AK5: variants seen among roughly 807,000 people sequenced by gnomAD.
The protein encoded by AK5 is adenylate kinase 5, also known as adenylate kinase isoenzyme 5.
In AK5, 27 loss-of-function variants were observed where a neutral mutation model predicts 69.5. The observed-to-expected ratio is 0.39, with a 90% confidence interval of 0.29 to 0.54. The LOEUF is 0.54. Among genes scored for constraint, AK5 ranks in the 20% least tolerant of loss-of-function variants. The probability of loss-of-function intolerance (pLI) is 0.71; values close to 1 mark genes in which losing one functional copy is unlikely to be tolerated. For missense variants in AK5, 531 were observed against 700.4 expected (o/e 0.76, Z 2.73); for synonymous variants, 260 against 244.4 (o/e 1.06, Z -0.60).
chr1:77,388,272 G>A (rs1283013407), intron 6 of AK5, among the ~76,000 whole-genome samples: 2 of 152,174 alleles, frequency 1.3e-5, no homozygotes, highest in African/African-American at 4.8e-5. Flanking sequence ...GGTCTCCGTA[G>A]TGACATGCAT....
intron 6 of AK5, among the ~76,000 whole-genome samples, chr1:77,356,574 A>G (rs1287591063): frequency 6.6e-6 from 1 of 152,156 alleles, no homozygotes; most frequent in Non-Finnish European, 1.5e-5. Flanking sequence ...CCATCTGAAA[A>G]CTGAATCTCA....
At chr1:77,517,068 C>CAAA (rs111239926) in intron 10 of AK5, among the ~76,000 whole-genome samples, 4 of 136,240 alleles carry the variant, frequency 2.9e-5, no homozygotes, top group Admixed American at 7.3e-5. Flanking sequence ...AAGACCATCT[C>CAAA]AAAAAAAAAA....
chr1:77,340,418 T>C lies in AK5; in HGVS notation c.741T>C (p.Asn247=). ...TGGTGGTATTCCTGGCTTGTGCTAA[T>C]CAGAGACTCAAAGAAAGATTACTGA... ...PDLVVFLACA[N]QRLKERLLKR... The change falls in exon 6 of 14, where the codon AAT becomes AAC. Residue 247 remains asparagine, a synonymous_variant. Transcript: ENST00000354567. 1 of 1,614,060 alleles carries C rather than the reference T, an allele frequency of 6.2e-7. No homozygotes were observed. Among genetic ancestry groups the C allele is most frequent in the Non-Finnish European group, 8.5e-7 (1 of 1,179,956 alleles).
chr1:77,411,225 A>G (rs1416616670), intron 7 of AK5, among the ~76,000 whole-genome samples, 154 bp downstream of exon 7: 1 of 152,208 alleles, frequency 6.6e-6, no homozygotes, highest in East Asian at 1.9e-4. Flanking sequence ...AGTATAAAAC[A>G]AAGTAGAGAG....
intron 13 of AK5, among the ~76,000 whole-genome samples, chr1:77,547,282 T>TTC: frequency 7.0e-6 from 1 of 143,498 alleles, no homozygotes; most frequent in East Asian, 2.0e-4. Context: ...TTTTTTTTTT[T>TTC]TTTTTTTTTT....
intron 6 of AK5, among the ~76,000 whole-genome samples, chr1:77,367,563 A>AT (rs1284972732): frequency 6.3e-5 from 1 of 15,958 alleles, no homozygotes; most frequent in South Asian, 2.7e-3. Flanking sequence ...ATTTTTATAT[A>AT]TATATATATA....
intron 13 of AK5, among the ~76,000 whole-genome samples, chr1:77,556,102 T>C (rs1180036133): frequency 6.6e-6 from 1 of 152,256 alleles, no homozygotes; most frequent in East Asian, 1.9e-4. Flanking sequence ...TTTTCCTTAT[T>C]GTGGGCTATA....
intron 6 of AK5, among the ~76,000 whole-genome samples, chr1:77,359,253 CAAA>C (rs377096698): frequency 1.0e-5 from 1 of 99,264 alleles, no homozygotes; most frequent in African/African-American, 3.8e-5. Context: ...GACTCTGTCT[CAAA>C]AAAAAAAAAA....
chr1:77,364,457 A>G (rs1185631843), intron 6 of AK5, among the ~76,000 whole-genome samples: 1 of 152,174 alleles, frequency 6.6e-6, no homozygotes, highest in Admixed American at 6.5e-5. Context: ...AGTAGTATGT[A>G]ACTCTAGAAC....
chr1:77,393,404 G>A (rs1046479826), intron 6 of AK5, among the ~76,000 whole-genome samples: 6 of 152,174 alleles, frequency 3.9e-5, no homozygotes, highest in Non-Finnish European at 8.8e-5. Context: ...GCTAGGCACA[G>A]ATTGGGACAA....
intron 12 of AK5, among the ~76,000 whole-genome samples, chr1:77,525,625 T>C (rs558180504): frequency 6.6e-6 from 1 of 152,326 alleles, no homozygotes; most frequent in Admixed American, 6.5e-5. Context: ...AAGCTGTTCA[T>C]GAGCAATCTG....
intron 5 of AK5, among the ~76,000 whole-genome samples, chr1:77,298,837 A>G (rs1257506343): frequency 2.6e-5 from 4 of 152,110 alleles, no homozygotes; most frequent in Admixed American, 1.3e-4. Context: ...CCCTGCTTCA[A>G]AAAAATTTTC....
At chr1:77,296,857 G>A (rs1362013375) in intron 3 of AK5, among the ~76,000 whole-genome samples, 1 of 152,072 alleles carries the variant, frequency 6.6e-6, no homozygotes, top group Non-Finnish European at 1.5e-5. Context: ...TCTGTATATG[G>A]ATATGTAGTT....
intron 2 of AK5, among the ~76,000 whole-genome samples, chr1:77,287,630 GA>G (rs1658433788): frequency 6.6e-6 from 1 of 152,204 alleles, no homozygotes; most frequent in African/African-American, 2.4e-5. Context: ...AAATCTAAAG[GA>G]GTTTAAGTGA....
chr1:77,317,416 A>G (rs1238379790), intron 5 of AK5, among the ~76,000 whole-genome samples: 4 of 152,244 alleles, frequency 2.6e-5, no homozygotes, highest in Admixed American at 2.6e-4. Flanking sequence ...GAAGGGAATT[A>G]GAATCCACTT....
rs1228746845 is a variant in AK5, at chr1:77,468,230, C to T, written c.1060-15087C>T. On this transcript the variant is annotated intron_variant, in intron 8 of 13. Coordinates refer to ENST00000354567, the MANE Select transcript of AK5 (RefSeq NM_174858.3). ...TCTGCTTTGCTTCTTTTTCCCTGTA[C>T]TCTCTTTCCTTAACATTTAATATGG... 3.3e-5 allele frequency among the ~76,000 whole-genome samples: 5 copies of T among 152,348 alleles called. No homozygotes were observed. In the East Asian group the frequency reaches 7.7e-4, roughly 23 times the overall value.
intron 6 of AK5, among the ~76,000 whole-genome samples, chr1:77,391,671 AT>A (rs2100528154): frequency 6.6e-6 from 1 of 151,972 alleles, no homozygotes; most frequent in South Asian, 2.1e-4. Flanking sequence ...AATAACCAGC[AT>A]CTAGAAAACA....
chr1:77,398,792 G>T (rs997043874), intron 6 of AK5, among the ~76,000 whole-genome samples: 3 of 151,952 alleles, frequency 2.0e-5, no homozygotes, highest in African/African-American at 7.3e-5. Context: ...ATTTAATCTT[G>T]CTTCCATGCA....
chr1:77,537,376 T>C (rs1189848310), intron 13 of AK5, among the ~76,000 whole-genome samples: 2 of 152,022 alleles, frequency 1.3e-5, no homozygotes, highest in African/African-American at 4.8e-5. Context: ...AGATGGATCA[T>C]ATGTAGGAGC....
Sources: gnomAD v4.1 joint callset for allele counts (sites outside exome capture counted in the v4.1 genomes callset) on GRCh38, gnomAD v4.1.1 for gene constraint, MANE v1.5 for transcripts, NCBI Gene and HGNC (gene_info 2026-07-23, HGNC 2026-07-21) for gene names.